LMX1B: variants seen among roughly 807,000 people sequenced by gnomAD.
LMX1B encodes LIM homeobox transcription factor 1 beta, also known as LIM homeobox transcription factor 1-beta.
Under a neutral mutation model 51.4 loss-of-function variants are expected in LMX1B, and 12 were observed. That is an observed-to-expected ratio of 0.23 (90% CI 0.15 to 0.38). The LOEUF is 0.38. Ranked by LOEUF, LMX1B falls within the 10% of genes least tolerant of loss-of-function variation. The pLI, the probability that LMX1B is intolerant of heterozygous loss-of-function variation, is 1.00. For synonymous variants in LMX1B, 237 were observed against 235.4 expected (o/e 1.01, Z -0.06); for missense variants, 445 against 571.1 (o/e 0.78, Z 2.25).
intron 2 of LMX1B, among the ~76,000 whole-genome samples, chr9:126,683,585 C>T (rs943497574): frequency 2.0e-5 from 3 of 152,124 alleles, no homozygotes; most frequent in Non-Finnish European, 2.9e-5. Context: ...ATCCTTCAGC[C>T]GGCATCATCA....
At chr9:126,633,617 C>T (rs1404272886) in intron 2 of LMX1B, among the ~76,000 whole-genome samples, 1 of 152,134 alleles carries the variant, frequency 6.6e-6, no homozygotes, top group African/African-American at 2.4e-5. Flanking sequence ...TTAGTACCCT[C>T]CGGGAGATGG....
At chr9:126,689,645 G>A (rs1050991186) in intron 2 of LMX1B, among the ~76,000 whole-genome samples, 11 of 152,180 alleles carry the variant, frequency 7.2e-5, no homozygotes, top group Admixed American at 2.0e-4. Context: ...AGGAGGGGCC[G>A]TGCTGCCCAG....
intron 2 of LMX1B, among the ~76,000 whole-genome samples, chr9:126,619,774 G>A (rs1393909677): frequency 1.3e-5 from 2 of 152,170 alleles, no homozygotes; most frequent in African/African-American, 4.8e-5. Flanking sequence ...GACTCCCCGG[G>A]CGCTGGGCTG....
intron 2 of LMX1B, among the ~76,000 whole-genome samples, chr9:126,620,082 G>A (rs1835379170): frequency 6.6e-6 from 1 of 152,146 alleles, no homozygotes. Context: ...CTCACCATGA[G>A]CATGGCAGGG....
At chr9:126,631,267 G>T (rs865844173) in intron 2 of LMX1B, among the ~76,000 whole-genome samples, 1 of 152,224 alleles carries the variant, frequency 6.6e-6, no homozygotes, top group East Asian at 1.9e-4. Flanking sequence ...AACGTCAAAA[G>T]ATTTAAATTA....
At chr9:126,656,079 A>G (rs1266574580) in intron 2 of LMX1B, among the ~76,000 whole-genome samples, 1 of 152,250 alleles carries the variant, frequency 6.6e-6, no homozygotes. Flanking sequence ...CTAGCAGCCC[A>G]GGTGGAAGGA....
At chr9:126,694,434 G>A (rs1476760109) in intron 6 of LMX1B, among the ~76,000 whole-genome samples, 2 of 152,226 alleles carry the variant, frequency 1.3e-5, no homozygotes, top group African/African-American at 4.8e-5. Context: ...TGAAGGGCCT[G>A]GGGAGTCGGG....
intron 2 of LMX1B, chr9:126,640,985 G>C (rs1835797853): frequency 6.6e-6 from 1 of 152,346 alleles, no homozygotes; most frequent in Non-Finnish European, 1.5e-5. Flanking sequence ...AGCCTCTGGG[G>C]AAAAGGAGTT....
chr9:126,628,470 T>C (rs914904379), intron 2 of LMX1B, among the ~76,000 whole-genome samples: 1 of 152,146 alleles, frequency 6.6e-6, no homozygotes, highest in South Asian at 2.1e-4. Context: ...AGGCGACAGA[T>C]CAGGAGAGGC....
Position 126,696,678 on chromosome 9 carries a change from A to G in LMX1B, c.*227A>G. On this transcript the variant is annotated 3_prime_UTR_variant, in exon 8 of 8. Transcript: ENST00000373474. ...GTGTCCTGCCCACAGAGACCTTGTC[A>G]TCCCCAGGGACCCAGAGCTCTCGGA... The G allele has an allele frequency of 1.7e-6, 1 of 577,122 alleles. No individual in the cohort carries two copies. Among genetic ancestry groups the G allele is most frequent in the South Asian group, 2.1e-5 (1 of 47,016 alleles). The allele number at this position is 577,122 out of a possible 1,614,324, so 35.8% of individuals were successfully genotyped here. A position where few individuals can be genotyped will look rare whatever the true frequency, so the allele number is the denominator to read the frequency against.
chr9:126,615,576 G>A lies in LMX1B; in HGVS notation c.326+7G>A, dbSNP rs1336980. On this transcript the variant is annotated splice_region_variant and intron_variant, in intron 2 of 7. Transcript: ENST00000373474. This position sits in a 1 kb window ranked among gnomAD's most constrained non-coding sequence, Gnocchi z 6.0. Reference sequence around the variant, plus strand: ...GCAAACAAGACTACCAACAGTAAGCGCTTCTCGTCCTCCTTCCCCGCCACC... The same window carrying A: ...GCAAACAAGACTACCAACAGTAAGCACTTCTCGTCCTCCTTCCCCGCCACC... The A allele has an allele frequency of 1.2e-6, 2 of 1,602,510 alleles. No homozygotes were observed. Among genetic ancestry groups the A allele is most frequent in the Non-Finnish European group, 1.7e-6 (2 of 1,174,394 alleles).
chr9:126,620,111 A>T (rs1020932816), intron 2 of LMX1B, among the ~76,000 whole-genome samples: 7 of 152,142 alleles, frequency 4.6e-5, no homozygotes, highest in African/African-American at 9.7e-5. Context: ...GTCTCCAAGG[A>T]CACACACCAC....
Position 126,658,418 on chromosome 9 carries a change from C to A in LMX1B, c.327-32418C>A, listed in dbSNP as rs1836160818. Among the ~76,000 whole-genome samples the A allele has an allele frequency of 6.6e-6, 1 of 152,108 alleles. No individual in the cohort carries two copies. Among genetic ancestry groups the A allele is most frequent in the South Asian group, 2.1e-4 (1 of 4,826 alleles). ...GCCCGGGCACCCCTGCTGCTGACCC[C>A]CTGCCCTCCCTGCCGCCTGCCAGCC... On this transcript the variant is annotated intron_variant, in intron 2 of 7. Transcript: ENST00000373474. The surrounding 1 kb of genome is among the most constrained non-coding windows in gnomAD (Gnocchi z 4.0).
rs184861837 is a variant in LMX1B at position 126,695,545 on chromosome 9, G to T, written c.887-294G>T. ...TGGGACCTTGGTGCTCCCAGATGCAGCGCAGAATCACTATTGCCTGTGTGG... is the reference window on the plus strand; with the variant it reads ...TGGGACCTTGGTGCTCCCAGATGCATCGCAGAATCACTATTGCCTGTGTGG... On this transcript the variant is annotated intron_variant, in intron 6 of 7. Coordinates refer to ENST00000373474, the MANE Select transcript of LMX1B (RefSeq NM_001174147.2). The surrounding 1 kb of genome is among the most constrained non-coding windows in gnomAD (Gnocchi z 5.2). Among the ~76,000 whole-genome samples, 17 of 152,356 alleles carry T rather than the reference G, an allele frequency of 1.1e-4. No individual in the cohort carries two copies. In the East Asian group the frequency reaches 2.9e-3, roughly 26 times the overall value.
intron 2 of LMX1B, among the ~76,000 whole-genome samples, chr9:126,624,672 T>G (rs1029158650): frequency 1.3e-5 from 2 of 151,422 alleles, no homozygotes; most frequent in Non-Finnish European, 2.9e-5. Context: ...TCTTGTTTTT[T>G]TTTTTTTGGA....
rs916242236 is a variant in LMX1B, at chr9:126,671,873, C to G, written c.327-18963C>G. On this transcript the variant is annotated intron_variant, in intron 2 of 7. Transcript: ENST00000373474. The surrounding 1 kb of genome is among the most constrained non-coding windows in gnomAD (Gnocchi z 4.4). ...GGCCAGGCCTCCACTCCCCTCCCTCCAGAGGGGCAGAGAGGGAATAGAGGT... is the reference window on the plus strand; with the variant it reads ...GGCCAGGCCTCCACTCCCCTCCCTCGAGAGGGGCAGAGAGGGAATAGAGGT... Among the ~76,000 whole-genome samples, 1 of 152,376 alleles carries G rather than the reference C, an allele frequency of 6.6e-6. No individual in the cohort carries two copies. The highest frequency in any genetic ancestry group is 6.5e-5 in the Admixed American group (1 of 15,314).
intron 2 of LMX1B, among the ~76,000 whole-genome samples, chr9:126,621,854 G>A (rs763081706): frequency 3.0e-4 from 45 of 152,146 alleles, no homozygotes; most frequent in Non-Finnish European, 6.2e-4. Flanking sequence ...CTACTGCTGC[G>A]GTGAGGAGTG....
Position 126,658,106 on chromosome 9 carries a change from C to T in LMX1B, c.327-32730C>T, listed in dbSNP as rs1273947341. 4.0e-5 allele frequency among the ~76,000 whole-genome samples: 6 copies of T among 151,758 alleles called. No homozygotes were observed. The highest frequency in any genetic ancestry group is 2.1e-4 in the South Asian group (1 of 4,800). Reference sequence around the variant, plus strand: ...GGGACCTGAGTGGGAACAACCAAGCCGGAGACTCCTGGGTATGAAGGGCAG... The same window carrying T: ...GGGACCTGAGTGGGAACAACCAAGCTGGAGACTCCTGGGTATGAAGGGCAG... On this transcript the variant is annotated intron_variant, in intron 2 of 7. Transcript: ENST00000373474. This position sits in a 1 kb window ranked among gnomAD's most constrained non-coding sequence, Gnocchi z 4.0.
At position 126,614,021 on chromosome 9, in the gene LMX1B, C is replaced by G. The variant is rs1241938573; in HGVS notation, c.-429C>G. The stretch of plus-strand genomic sequence containing the variant: ...CGGAGCCCCGCGGCCCGCTGCGCCC[C>G]GCCCGGGACCCCGCTGCGCCGCGCG... On this transcript the variant is annotated 5_prime_UTR_variant, in exon 1 of 8. Coordinates refer to ENST00000373474, the MANE Select transcript of LMX1B (RefSeq NM_001174147.2). Among the ~76,000 whole-genome samples, 3 of 139,288 alleles carry G rather than the reference C, an allele frequency of 2.2e-5. No individual in the cohort carries two copies. Among genetic ancestry groups the G allele is most frequent in the African/African-American group, 5.2e-5 (2 of 38,828 alleles). 91.4% of individuals were successfully genotyped at this position (139,288 alleles called of 152,430 possible).
Sources: gnomAD v4.1 joint callset for allele counts (sites outside exome capture counted in the v4.1 genomes callset) on GRCh38, gnomAD v4.1.1 for gene constraint, Gnocchi (gnomAD v3.1) non-coding constraint, MANE v1.5 for transcripts, NCBI Gene and HGNC (gene_info 2026-07-23, HGNC 2026-07-21) for gene names.